Variants in CHST11 observed in about 807,000 individuals in gnomAD.
The protein encoded by CHST11 is C4S-1.
A neutral mutation model predicts 30.4 loss-of-function variants in CHST11; 9 were observed. That is an observed-to-expected ratio of 0.30 (90% CI 0.18 to 0.52). CHST11 has a LOEUF of 0.52. Ranked by LOEUF, CHST11 falls within the 20% of genes least tolerant of loss-of-function variation. The pLI is 0.97. For missense variants in CHST11, 348 were observed against 460.6 expected, an observed-to-expected ratio of 0.76 and a Z score of 2.24; for synonymous variants, 152 against 187.8, an observed-to-expected ratio of 0.81 and a Z score of 1.56.
At chr12:104,530,610 A>G (rs1247145502) in intron 1 of CHST11, among the ~76,000 whole-genome samples, 3 of 152,232 alleles carry the variant, frequency 2.0e-5, no homozygotes, top group Non-Finnish European at 2.9e-5. Context: ...AAGGAAGAAA[A>G]AAGTCTAGCT....
At chr12:104,467,808 A>C (rs887859343) in intron 1 of CHST11, among the ~76,000 whole-genome samples, 1 of 152,206 alleles carries the variant, frequency 6.6e-6, no homozygotes, top group African/African-American at 2.4e-5. Flanking sequence ...TAGTGTTGTA[A>C]CAGGACACTT....
At chr12:104,530,009 A>G (rs2038166147) in intron 1 of CHST11, among the ~76,000 whole-genome samples, 1 of 152,128 alleles carries the variant, frequency 6.6e-6, no homozygotes, top group South Asian at 2.1e-4. Context: ...AATACAAAAA[A>G]TTAGCTAGGC....
chr12:104,519,845 G>A (rs77540010), intron 1 of CHST11, among the ~76,000 whole-genome samples: 7,268 of 152,316 alleles, frequency 0.048, 243 homozygotes, highest in Admixed American at 0.1. Flanking sequence ...GCAGGACCAG[G>A]ACAGCTGTTC....
intron 2 of CHST11, among the ~76,000 whole-genome samples, chr12:104,682,893 C>T (rs753687283): frequency 4.6e-5 from 7 of 152,220 alleles, no homozygotes; most frequent in Non-Finnish European, 7.3e-5. Flanking sequence ...CCGTAGCCAC[C>T]GATCACCAAG....
chr12:104,635,391 G>A (rs1313371279), intron 2 of CHST11, among the ~76,000 whole-genome samples: 1 of 152,220 alleles, frequency 6.6e-6, no homozygotes, highest in Non-Finnish European at 1.5e-5. Context: ...CACGCCCGGG[G>A]CTTCCAGTGT....
At chr12:104,514,860 G>T (rs1246899391) in intron 1 of CHST11, among the ~76,000 whole-genome samples, 3 of 152,166 alleles carry the variant, frequency 2.0e-5, no homozygotes, top group Non-Finnish European at 4.4e-5. Flanking sequence ...ATTTGGAGGG[G>T]ACAAATATCT....
intron 2 of CHST11, among the ~76,000 whole-genome samples, chr12:104,609,732 C>A (rs1463420112): frequency 2.0e-5 from 3 of 152,148 alleles, no homozygotes; most frequent in African/African-American, 7.2e-5. Context: ...ATGAAAAGCA[C>A]CTAGGACAGT....
intron 1 of CHST11, among the ~76,000 whole-genome samples, chr12:104,582,617 T>A (rs1480150397): frequency 6.6e-6 from 1 of 152,194 alleles, no homozygotes; most frequent in East Asian, 1.9e-4. Flanking sequence ...TTGGGAACAC[T>A]CAGAGATAAT....
At chr12:104,578,805 G>T (rs2038710382) in intron 1 of CHST11, among the ~76,000 whole-genome samples, 1 of 152,180 alleles carries the variant, frequency 6.6e-6, no homozygotes, top group Non-Finnish European at 1.5e-5. Flanking sequence ...GCTGTGAAAA[G>T]CCAACAGTGT....
intron 2 of CHST11, among the ~76,000 whole-genome samples, chr12:104,619,801 A>C (rs2039143480): frequency 6.6e-6 from 1 of 152,248 alleles, no homozygotes; most frequent in Non-Finnish European, 1.5e-5. Context: ...CCAAGGGTAA[A>C]GAATTAAATT....
At chr12:104,539,459 G>C (rs2038267437) in intron 1 of CHST11, among the ~76,000 whole-genome samples, 1 of 152,186 alleles carries the variant, frequency 6.6e-6, no homozygotes, top group South Asian at 2.1e-4. Flanking sequence ...ATGAAAAATT[G>C]CAAGTGTCTG....
chr12:104,670,242 T>C (rs1661711664), intron 2 of CHST11, among the ~76,000 whole-genome samples: 1 of 152,168 alleles, frequency 6.6e-6, no homozygotes, highest in South Asian at 2.1e-4. Flanking sequence ...TCCTCAGTCC[T>C]TAGGATGCTA....
chr12:104,563,517 C>T lies in CHST11; in HGVS notation c.119-38389C>T, dbSNP rs116964069. On this transcript the variant is annotated intron_variant, in intron 1 of 2. Coordinates refer to ENST00000303694, the MANE Select transcript of CHST11 (RefSeq NM_018413.6). ...CATCTTTGTATTTCCTAGGTCACATCATCCATCAGCTTAAAAACTTTTTTG... is the reference window on the plus strand; with the variant it reads ...CATCTTTGTATTTCCTAGGTCACATTATCCATCAGCTTAAAAACTTTTTTG... 5.9e-4 allele frequency among the ~76,000 whole-genome samples: 90 copies of T among 152,334 alleles called. 1 individual carries two copies. The East Asian group carries it at 0.01, about 17-fold the overall frequency.
intron 1 of CHST11, among the ~76,000 whole-genome samples, chr12:104,547,329 A>T (rs2038360796): frequency 6.6e-6 from 1 of 152,204 alleles, no homozygotes; most frequent in Non-Finnish European, 1.5e-5. Flanking sequence ...TAATTAGAAC[A>T]GGAAGGAGCC....
chr12:104,604,806 A>C (rs1329499699), intron 2 of CHST11, among the ~76,000 whole-genome samples: 2 of 152,184 alleles, frequency 1.3e-5, no homozygotes, highest in Non-Finnish European at 2.9e-5. Context: ...TGAAAACAGG[A>C]ACTGTTTATT....
At chr12:104,598,061 C>G (rs565331495) in intron 1 of CHST11, among the ~76,000 whole-genome samples, 2 of 152,330 alleles carry the variant, frequency 1.3e-5, no homozygotes, top group South Asian at 4.1e-4. Context: ...ATGTGAACTG[C>G]TTGGCGAAGC....
chr12:104,743,068 G>A (rs2040360483), intron 2 of CHST11, among the ~76,000 whole-genome samples: 1 of 152,216 alleles, frequency 6.6e-6, no homozygotes, highest in Admixed American at 6.5e-5. Context: ...AATCCCTGCT[G>A]TCCCAAAGTC....
intron 2 of CHST11, among the ~76,000 whole-genome samples, chr12:104,753,176 C>T (rs1160005221): frequency 6.6e-6 from 1 of 152,160 alleles, no homozygotes; most frequent in Admixed American, 6.5e-5. Context: ...AAGGCAATGC[C>T]GAGACCACCA....
chr12:104,605,899 C>G (rs1285397709), intron 2 of CHST11, among the ~76,000 whole-genome samples: 4 of 152,184 alleles, frequency 2.6e-5, no homozygotes, highest in African/African-American at 9.7e-5. Context: ...CCGCCCACCT[C>G]CTGGTCCTCT....
Sources: allele counts gnomAD v4.1 joint callset (sites outside exome capture counted in the v4.1 genomes callset), GRCh38; gene constraint gnomAD v4.1.1; transcripts MANE v1.5; gene names NCBI Gene and HGNC (gene_info 2026-07-23, HGNC 2026-07-21).